Variants in DMD observed in about 807,000 individuals in gnomAD.
The protein encoded by DMD is dystrophin, also known as mutant dystrophin.
A neutral mutation model predicts 330.1 loss-of-function variants in DMD; 63 were observed. That is an observed-to-expected ratio of 0.19 (90% CI 0.16 to 0.24). The LOEUF (loss-of-function observed/expected upper bound fraction) is 0.24, where lower values mean the gene tolerates loss of function less well. Among genes scored for constraint, DMD ranks in the 10% least tolerant of loss-of-function variants. The probability of loss-of-function intolerance (pLI) is 1.00; values close to 1 mark genes in which losing one functional copy is unlikely to be tolerated. For missense variants in DMD, 3,344 were observed against 2,684.1 expected, an observed-to-expected ratio of 1.25 and a Z score of -5.43; for synonymous variants, 1,223 against 959.8, an observed-to-expected ratio of 1.27 and a Z score of -5.07.
rs374750876 is a variant in DMD, at chrX:33,244,604, A to G, written c.7+94655T>C. Among the ~76,000 whole-genome samples the G allele has an allele frequency of 2.7e-5, 3 of 111,945 alleles. No homozygotes were observed. The East Asian group carries it at 8.4e-4, about 31-fold the overall frequency. ...GGTTTGATTTTCCCCGAAATGGTCA[A>G]TTGTGAATAAATTGTTTGATTTGAT... On this transcript the variant is annotated intron_variant, in intron 1 of 17. Transcript: ENST00000288447.
At chrX:31,985,917 G>C (rs925229244) in intron 44 of DMD, among the ~76,000 whole-genome samples, 1 of 111,841 alleles carries the variant, frequency 8.9e-6, no homozygotes, top group Non-Finnish European at 1.9e-5. Context: ...TTACTGAAAC[G>C]GGAGATGCAC....
chrX:32,099,539 A>C lies in DMD; in HGVS notation c.6438+117377T>G, dbSNP rs1180395090. ...TGGATTAAGAAAATGTGGCACATAT[A>C]CACCATGGAATACTATGCAGCCAGA... On this transcript the variant is annotated intron_variant, in intron 44 of 78. Coordinates refer to ENST00000357033, the MANE Select transcript of DMD (RefSeq NM_004006.3). Among the ~76,000 whole-genome samples, 7 of 109,716 alleles carry C rather than the reference A, an allele frequency of 6.4e-5. No homozygotes were observed. In the South Asian group the frequency reaches 2.4e-3, roughly 37 times the overall value.
At chrX:31,479,519 A>C (rs1452738041) in intron 57 of DMD, among the ~76,000 whole-genome samples, 1 of 112,491 alleles carries the variant, frequency 8.9e-6, no homozygotes, top group Non-Finnish European at 1.9e-5. Flanking sequence ...GGCCATTTGC[A>C]GGACCTTAGG....
intron 49 of DMD, among the ~76,000 whole-genome samples, chrX:31,831,497 C>T (rs1404580350): frequency 8.9e-6 from 1 of 112,126 alleles, no homozygotes. Context: ...TTTCTCTTCT[C>T]ATTGGGAAAG....
chrX:32,331,388 TA>T (rs372039358), intron 41 of DMD, among the ~76,000 whole-genome samples: 17 of 112,006 alleles, frequency 1.5e-4, no homozygotes, highest in South Asian at 7.3e-4. Flanking sequence ...AAATGAGTTA[TA>T]TTTTTTTAAT....
chrX:32,795,819 A>G (rs996414209), intron 7 of DMD, among the ~76,000 whole-genome samples: 2 of 111,929 alleles, frequency 1.8e-5, no homozygotes, highest in African/African-American at 6.5e-5. Context: ...TATTTCTCAA[A>G]AGAAGACAAA....
At position 31,221,868 on chromosome X, in the gene DMD, C is replaced by G. The variant is rs985389784; in HGVS notation, c.9361+1179G>C. ...GTCAGGAGTTCGAGACCAGCCTGAC[C>G]AACATGGTGAAACCCCGTCTCTATT... On this transcript the variant is annotated intron_variant, in intron 64 of 78. Coordinates refer to ENST00000357033, the MANE Select transcript of DMD (RefSeq NM_004006.3). 4.5e-5 allele frequency among the ~76,000 whole-genome samples: 5 copies of G among 110,052 alleles called. No homozygotes were observed. The Admixed American group carries it at 4.8e-4, about 11-fold the overall frequency.
In DMD at chrX:33,058,988, G is replaced by T. The variant is rs193151344; in HGVS notation, c.32-38788C>A. ...ATACAAGTTTTCTAATCAGATATAC[G>T]TCTTGTGAATATTTTTCTCCCAGTC... is the stretch of plus-strand genomic sequence containing the variant. On this transcript the variant is annotated intron_variant, in intron 1 of 78. Transcript: ENST00000357033. 1.7e-3 allele frequency among the ~76,000 whole-genome samples: 189 copies of T among 111,617 alleles called. 3 individuals carry two copies. Among genetic ancestry groups the T allele is most frequent in the Non-Finnish European group, 3.1e-3 (167 of 53,112 alleles).
Position 31,627,664 on chromosome X carries a change from C to CT in DMD, c.8217+8dup, listed in dbSNP as rs1350072714. On this transcript the variant is annotated intron_variant, in intron 55 of 78. Coordinates refer to ENST00000357033, the MANE Select transcript of DMD (RefSeq NM_004006.3). ...CACAAGAGTGCTAAAGCGGAAATGC[C>CT]TGACTTACTTGCCATTGTTTCATCA... 5 of 1,208,356 alleles carry CT rather than the reference C, an allele frequency of 4.1e-6. No homozygotes were observed. Among genetic ancestry groups the CT allele is most frequent in the Middle Eastern group, 2.5e-4 (1 of 4,001 alleles).
chrX:31,797,029 C>T (rs770191947), intron 50 of DMD, among the ~76,000 whole-genome samples: 1 of 111,774 alleles, frequency 8.9e-6, no homozygotes, highest in Admixed American at 9.5e-5. Context: ...GCCAAATAAA[C>T]CTTCCATTCT....
chrX:32,893,652 T>C (rs2085429456), intron 2 of DMD, among the ~76,000 whole-genome samples: 1 of 111,644 alleles, frequency 9.0e-6, no homozygotes. Context: ...TCTTAAATAT[T>C]GTAGTGGAGC....
chrX:31,218,101 T>C (rs556347466), intron 64 of DMD, among the ~76,000 whole-genome samples: 25 of 111,790 alleles, frequency 2.2e-4, no homozygotes, highest in Admixed American at 1.0e-3. Context: ...AAAACACATA[T>C]GTGAATGGAA....
intron 16 of DMD, among the ~76,000 whole-genome samples, chrX:32,547,281 A>G (rs2049067011): frequency 9.0e-6 from 1 of 111,471 alleles, no homozygotes; most frequent in Non-Finnish European, 1.9e-5. Context: ...TGTAATATTA[A>G]TATTTTCGTG....
chrX:31,966,493 T>C (rs1402460132), intron 45 of DMD, among the ~76,000 whole-genome samples: 1 of 110,377 alleles, frequency 9.1e-6, no homozygotes, highest in Admixed American at 9.7e-5. Context: ...ATAGACAACT[T>C]TAAAAGCTCA....
intron 29 of DMD, among the ~76,000 whole-genome samples, chrX:32,419,788 C>T (rs1276819011): frequency 8.9e-6 from 1 of 111,853 alleles, no homozygotes; most frequent in East Asian, 2.8e-4. Context: ...CTTCTGTGAC[C>T]TCTGAAGGAA....
chrX:32,412,677 G>A (rs2098148165), intron 29 of DMD, among the ~76,000 whole-genome samples: 1 of 111,492 alleles, frequency 9.0e-6, no homozygotes, highest in African/African-American at 3.3e-5. Context: ...ACTTTTAACA[G>A]AGTAGTTGTA....
At chrX:31,574,829 A>C (rs2147981051) in intron 55 of DMD, among the ~76,000 whole-genome samples, 1 of 112,025 alleles carries the variant, frequency 8.9e-6, no homozygotes, top group East Asian at 2.8e-4. Context: ...AAGAGACAAA[A>C]TAAAACTACG....
At chrX:32,817,275 GA>G (rs1220960902) in intron 5 of DMD, among the ~76,000 whole-genome samples, 1 of 109,682 alleles carries the variant, frequency 9.1e-6, no homozygotes, top group Admixed American at 9.7e-5. Context: ...CTAAAATAAA[GA>G]AAAAAAACAA....
chrX:32,829,048 GATT>G (rs1233607506), intron 4 of DMD, among the ~76,000 whole-genome samples: 1 of 111,275 alleles, frequency 9.0e-6, no homozygotes, highest in Non-Finnish European at 1.9e-5. Context: ...TGCAAAATGT[GATT>G]ATATTTCTTA....
Sources: gnomAD v4.1 joint callset for allele counts (sites outside exome capture counted in the v4.1 genomes callset) on GRCh38, gnomAD v4.1.1 for gene constraint, MANE v1.5 for transcripts, NCBI Gene and HGNC (gene_info 2026-07-23, HGNC 2026-07-21) for gene names.